HIPK2: variants seen among roughly 807,000 people sequenced by gnomAD.
HIPK2 encodes homeodomain interacting protein kinase 2.
In HIPK2, 27 loss-of-function variants were observed where a neutral mutation model predicts 113.7. The ratio of observed to expected loss-of-function variants is 0.24; its 90% CI spans 0.17 to 0.33. HIPK2 has a LOEUF of 0.33. Among genes scored for constraint, HIPK2 ranks in the 10% least tolerant of loss-of-function variants. HIPK2 has a pLI of 1.00. For missense variants in HIPK2, 1,257 were observed against 1,588.0 expected, an observed-to-expected ratio of 0.79 and a Z score of 3.54; for synonymous variants, 631 against 642.2, an observed-to-expected ratio of 0.98 and a Z score of 0.26.
chr7:139,684,737 C>G (rs1292230518), intron 2 of HIPK2, among the ~76,000 whole-genome samples: 7 of 152,170 alleles, frequency 4.6e-5, no homozygotes, highest in Admixed American at 4.6e-4. Flanking sequence ...AAAGCTGAGA[C>G]AGGCTGAATG....
chr7:139,682,513 C>T (rs114805256), intron 2 of HIPK2, among the ~76,000 whole-genome samples: 5 of 152,186 alleles, frequency 3.3e-5, no homozygotes, highest in African/African-American at 1.2e-4. Flanking sequence ...TCCCTCATCC[C>T]TCCCGCTGCG....
intron 1 of HIPK2, among the ~76,000 whole-genome samples, chr7:139,725,943 G>A (rs770267342): frequency 1.5e-4 from 23 of 152,092 alleles, no homozygotes; most frequent in East Asian, 3.8e-4. Context: ...ACCAAACAAC[G>A]AGATGAGTCC....
chr7:139,669,620 T>C (rs1802189162), intron 2 of HIPK2, among the ~76,000 whole-genome samples: 1 of 149,276 alleles, frequency 6.7e-6, no homozygotes, highest in Non-Finnish European at 1.5e-5. Context: ...ACTGAACTGT[T>C]TCATTCGCAA....
At chr7:139,774,468 TA>T (rs573686148) in intron 1 of HIPK2, among the ~76,000 whole-genome samples, 121 of 152,344 alleles carry the variant, frequency 7.9e-4, no homozygotes, top group African/African-American at 2.7e-3. Flanking sequence ...TTTTAAAATA[TA>T]AAACCTAAAC....
Position 139,584,832 on chromosome 7 carries a change from C to T in HIPK2, c.2718-768G>A, listed in dbSNP as rs540455483. On this transcript the variant is annotated intron_variant, in intron 12 of 14. Coordinates refer to ENST00000406875, the MANE Select transcript of HIPK2 (RefSeq NM_022740.5). ...CCGGGGCCTGGTGGGAAGGCCCCTG[C>T]CAGGTTGATGCTGTGTGAAAGCCAC... 3.9e-5 allele frequency among the ~76,000 whole-genome samples: 6 copies of T among 152,290 alleles called. No individual in the cohort carries two copies. In the South Asian group the frequency reaches 1.2e-3, roughly 32 times the overall value.
intron 12 of HIPK2, 51 bp downstream of exon 12, chr7:139,596,666 A>G (rs1799224416): frequency 5.0e-6 from 8 of 1,588,570 alleles, no homozygotes; most frequent in South Asian, 1.1e-5. Flanking sequence ...TCTGCACACA[A>G]TGCAAACCCT....
At chr7:139,760,215 A>G (rs1796441864) in intron 1 of HIPK2, among the ~76,000 whole-genome samples, 1 of 152,196 alleles carries the variant, frequency 6.6e-6, no homozygotes, top group African/African-American at 2.4e-5. Flanking sequence ...CATGTTAGCC[A>G]GGATGGTCTC....
At chr7:139,776,732 C>T (rs1197006448) in intron 1 of HIPK2, among the ~76,000 whole-genome samples, 2 of 152,196 alleles carry the variant, frequency 1.3e-5, no homozygotes, top group African/African-American at 4.8e-5. Flanking sequence ...ATTTCTCCTA[C>T]TACAAGCACA....
At chr7:139,735,842 C>A (rs1336321871) in intron 1 of HIPK2, among the ~76,000 whole-genome samples, 1 of 152,174 alleles carries the variant, frequency 6.6e-6, no homozygotes, top group Non-Finnish European at 1.5e-5. Flanking sequence ...CATAAGCCAT[C>A]CACTGCCTAC....
At chr7:139,632,479 C>T (rs1268244546) in intron 2 of HIPK2, among the ~76,000 whole-genome samples, 1 of 152,236 alleles carries the variant, frequency 6.6e-6, no homozygotes, top group Non-Finnish European at 1.5e-5. Context: ...AAAAGCTAAT[C>T]TTCTTAGAAG....
At chr7:139,777,449 C>T in intron 1 of HIPK2, 156 bp downstream of exon 1, 1 of 169,578 alleles carries the variant, frequency 5.9e-6, no homozygotes, top group Non-Finnish European at 1.2e-5. Context: ...TCCCGGTCAT[C>T]TTCCGGGCGA....
chr7:139,656,160 T>A (rs1211013160), intron 2 of HIPK2, among the ~76,000 whole-genome samples: 1 of 152,098 alleles, frequency 6.6e-6, no homozygotes, highest in East Asian at 1.9e-4. Flanking sequence ...GTGAACTCAT[T>A]CACTGCCAGG....
intron 2 of HIPK2, among the ~76,000 whole-genome samples, chr7:139,690,288 CA>C (rs1263078948): frequency 3.9e-5 from 6 of 151,988 alleles, no homozygotes; most frequent in African/African-American, 1.5e-4. Context: ...CACACAGAGT[CA>C]GGGGAGGGCA....
At chr7:139,638,656 CTTTTTTT>C (rs1184555180) in intron 2 of HIPK2, among the ~76,000 whole-genome samples, 1 of 130,262 alleles carries the variant, frequency 7.7e-6, no homozygotes, top group Admixed American at 7.8e-5. Flanking sequence ...AAATAATTGT[CTTTTTTT>C]TTTTTTTTTT....
In HIPK2 at chr7:139,685,523, T is replaced by C. The variant is rs542987898; in HGVS notation, c.1103+30409A>G. On this transcript the variant is annotated intron_variant, in intron 2 of 14. Coordinates refer to ENST00000406875, the MANE Select transcript of HIPK2 (RefSeq NM_022740.5). The stretch of plus-strand genomic sequence containing the variant: ...TGGAAGAAGATGCCATCTAGGACTT[T>C]CGTAGCTAGAGGGGAGAAGTCAATG... Among the ~76,000 whole-genome samples, 9 of 152,316 alleles carry C rather than the reference T, an allele frequency of 5.9e-5. No homozygotes were observed. The South Asian group carries it at 1.5e-3, about 25-fold the overall frequency.
At chr7:139,760,493 C>T (rs1256205345) in intron 1 of HIPK2, among the ~76,000 whole-genome samples, 1 of 152,054 alleles carries the variant, frequency 6.6e-6, no homozygotes, top group African/African-American at 2.4e-5. Flanking sequence ...TTAATACATA[C>T]CCTTAGTGGA....
intron 2 of HIPK2, among the ~76,000 whole-genome samples, chr7:139,665,605 T>TCCATCCATCCAC (rs1554440733): frequency 1.6e-4 from 24 of 149,580 alleles, no homozygotes; most frequent in South Asian, 1.3e-3. Context: ...CATCCATCCA[T>TCCATCCATCCAC]CCACCCATGG....
At chr7:139,768,240 C>T (rs529271455) in intron 1 of HIPK2, among the ~76,000 whole-genome samples, 2 of 152,304 alleles carry the variant, frequency 1.3e-5, no homozygotes, top group African/African-American at 2.4e-5. Context: ...GTCTTATAAC[C>T]GTGAAAGTCT....
intron 1 of HIPK2, among the ~76,000 whole-genome samples, chr7:139,763,472 G>GCCCCCCC (rs547691856): frequency 1.1e-4 from 11 of 100,806 alleles, no homozygotes; most frequent in African/African-American, 4.1e-4. Context: ...GCCGGAACAC[G>GCCCCCCC]CCCCCCCCCC....
Sources: gnomAD v4.1 joint callset for allele counts (sites outside exome capture counted in the v4.1 genomes callset) on GRCh38, gnomAD v4.1.1 for gene constraint, MANE v1.5 for transcripts, NCBI Gene and HGNC (gene_info 2026-07-23, HGNC 2026-07-21) for gene names.